The following NR1D2 variants were observed in gnomAD, a reference collection of about 807,000 sequenced individuals.
NR1D2 encodes the protein nuclear receptor subfamily 1 group D member 2, also known as V-erbA-related protein 1-related.
Under a neutral mutation model 52.2 loss-of-function variants are expected in NR1D2, and 25 were observed. The observed-to-expected ratio is 0.48, with a 90% CI of 0.35 to 0.67. The LOEUF (loss-of-function observed/expected upper bound fraction) is 0.67. Ranked by LOEUF, NR1D2 falls within the 30% of genes least tolerant of loss-of-function variation. The probability of loss-of-function intolerance (pLI) is 0.01; values close to 1 mark genes in which losing one functional copy is unlikely to be tolerated. For synonymous variants in NR1D2, 259 were observed against 230.1 expected (o/e 1.13, Z -1.14); for missense variants, 681 against 707.2 (o/e 0.96, Z 0.42).
intron 4 of NR1D2, among the ~76,000 whole-genome samples, chr3:23,961,410 T>TTTC (rs1454729664): frequency 3.4e-5 from 5 of 147,322 alleles, no homozygotes; most frequent in Non-Finnish European, 7.5e-5. Flanking sequence ...TTTTTTTTTT[T>TTTC]TTTAAGATGG....
chr3:23,946,054 G>C, intron 1 of NR1D2: 9 of 973,740 alleles, frequency 9.2e-6, no homozygotes, highest in Non-Finnish European at 1.1e-5. Context: ...CGCTGGCTGG[G>C]AGCGCCGCAG....
At chr3:23,969,282 C>T (rs577559496) in intron 7 of NR1D2, among the ~76,000 whole-genome samples, 44 of 151,674 alleles carry the variant, frequency 2.9e-4, no homozygotes, top group African/African-American at 9.7e-4. Flanking sequence ...AGCGAGACTC[C>T]GTGTTAAAAA....
intron 5 of NR1D2, chr3:23,963,299 C>T (rs752884034): frequency 7.4e-7 from 1 of 1,349,652 alleles, no homozygotes; most frequent in Admixed American, 1.9e-5. Context: ...CCATGAAGTC[C>T]TTTGATAGTG....
chr3:23,976,573 C>T (rs549646715), intron 7 of NR1D2, among the ~76,000 whole-genome samples: 2 of 152,350 alleles, frequency 1.3e-5, no homozygotes, highest in African/African-American at 4.8e-5. Flanking sequence ...TAGTTCCTTG[C>T]CATGTGGGCC....
At chr3:23,973,882 G>T (rs183593041) in intron 7 of NR1D2, among the ~76,000 whole-genome samples, 1 of 151,658 alleles carries the variant, frequency 6.6e-6, no homozygotes, top group Non-Finnish European at 1.5e-5. Context: ...AACTGTGACA[G>T]ACACATACAT....
chr3:23,946,088 T>C, intron 1 of NR1D2: 1 of 984,280 alleles, frequency 1.0e-6, no homozygotes, highest in Non-Finnish European at 1.2e-6. Flanking sequence ...TCCGCCCCTT[T>C]GGAAGCCTCG....
intron 4 of NR1D2, among the ~76,000 whole-genome samples, chr3:23,961,347 G>T (rs1234875511): frequency 7.0e-6 from 1 of 142,994 alleles, no homozygotes; most frequent in Non-Finnish European, 1.5e-5. Context: ...CTTCAAACTG[G>T]TTTTCATTAG....
In NR1D2 at chr3:23,962,356, T is replaced by C. The variant is rs376919731; in HGVS notation, c.897T>C (p.Asp299=). 41 of 1,614,022 alleles carry C rather than the reference T, an allele frequency of 2.5e-5. No individual in the cohort carries two copies. Among genetic ancestry groups the C allele is most frequent in the Admixed American group, 3.3e-5 (2 of 60,006 alleles). Residue 299 remains aspartate (D), a synonymous_variant, in exon 5 of 8, where the codon GAT becomes GAC. Coordinates refer to ENST00000312521, the MANE Select transcript of NR1D2 (RefSeq NM_005126.5). ...KNMEQYNLNH[D]HCGNGLSSHF... ...TGGAGCAATATAATTTAAATCATGA[T>C]CATTGCGGCAATGGGCTTAGCAGCC...
chr3:23,956,853 T>G (rs867562549), intron 3 of NR1D2, among the ~76,000 whole-genome samples: 7 of 152,200 alleles, frequency 4.6e-5, no homozygotes, highest in Non-Finnish European at 8.8e-5. Flanking sequence ...CACATGTTCT[T>G]GCTGTTCTCT....
At chr3:23,947,685 T>C (rs1705786409) in intron 1 of NR1D2, among the ~76,000 whole-genome samples, 2 of 152,254 alleles carry the variant, frequency 1.3e-5, no homozygotes, top group Admixed American at 1.3e-4. Flanking sequence ...ATTGCATGAC[T>C]TGAAGTGTAG....
At chr3:23,963,495 G>T in intron 5 of NR1D2, 2 of 762,108 alleles carry the variant, frequency 2.6e-6, no homozygotes, top group Non-Finnish European at 3.2e-6. Flanking sequence ...TGTTGCCCAG[G>T]CTGGAGTGCG....
chr3:23,950,902 C>CTTTTTCTTTTTTTTTTTTTTTTTTTTTTT (rs1351954635), intron 1 of NR1D2, among the ~76,000 whole-genome samples: 1 of 123,102 alleles, frequency 8.1e-6, no homozygotes, highest in African/African-American at 3.3e-5. Flanking sequence ...CTTTCTTTTT[C>CTTTTTCTTTTTTTTTTTTTTTTTTTTTTT]TTTTTTTTTT....
Position 23,962,217 on chromosome 3 carries a change from T to A in NR1D2, c.758T>A (p.Val253Glu). 1 of 1,614,138 alleles carries A rather than the reference T, an allele frequency of 6.2e-7. No individual in the cohort carries two copies. The highest frequency in any genetic ancestry group is 8.5e-7 in the Non-Finnish European group (1 of 1,180,026). The stretch of plus-strand genomic sequence containing the variant: ...TCTTCTGATTTTGCAAAGGAAGAAG[T>A]GATTGGCATGGTGACCAGAGCTCAC... ...PPSSDFAKEEVIGMVTRAHKD... is the reference protein window; with the variant it reads ...PPSSDFAKEEEIGMVTRAHKD... Residue 253 changes from valine to glutamate, a missense_variant, in exon 5 of 8, where the codon GTG (valine) becomes GAG (glutamate). Around this residue, in one of 3 missense-constraint regions of NR1D2, gnomAD observed 475 missense variants for 454.5 expected, o/e 1.05. Coordinates refer to ENST00000312521, the MANE Select transcript of NR1D2 (RefSeq NM_005126.5).
At chr3:23,946,131 C>A in intron 1 of NR1D2, 1 of 985,190 alleles carries the variant, frequency 1.0e-6, no homozygotes, top group Non-Finnish European at 1.2e-6. Flanking sequence ...CCCTCCTCCC[C>A]CGCGGGGTTG....
intron 3 of NR1D2, among the ~76,000 whole-genome samples, chr3:23,957,548 C>A (rs1195993945): frequency 6.7e-6 from 1 of 149,150 alleles, no homozygotes; most frequent in African/African-American, 2.5e-5. Flanking sequence ...AACCCTGTCT[C>A]TACTAAAAAT....
intron 7 of NR1D2, among the ~76,000 whole-genome samples, chr3:23,972,112 GTCT>G (rs1350485117): frequency 3.3e-5 from 5 of 152,026 alleles, no homozygotes; most frequent in Admixed American, 1.3e-4. Context: ...ATGTATAGTG[GTCT>G]TCTTTTGTTG....
intron 1 of NR1D2, among the ~76,000 whole-genome samples, chr3:23,952,631 G>A (rs1017155639): frequency 1.3e-5 from 2 of 151,676 alleles, no homozygotes; most frequent in Non-Finnish European, 2.9e-5. Flanking sequence ...GAGGCTGAAG[G>A]AGGAGAATCG....
intron 6 of NR1D2, among the ~76,000 whole-genome samples, chr3:23,967,541 G>A (rs1025335609): frequency 4.6e-5 from 7 of 151,556 alleles, no homozygotes; most frequent in Non-Finnish European, 7.4e-5. Flanking sequence ...GCTTGAACCC[G>A]GGAGGCGGAG....
In NR1D2 at chr3:23,962,510, A is replaced by G; in HGVS notation, c.1051A>G (p.Thr351Ala). The change falls in exon 5 of 8, where the codon ACT becomes GCT. Residue 351 changes from threonine to alanine, a missense_variant. Thr to Ala is a moderately conservative substitution (Grantham distance 58). Coordinates refer to ENST00000312521, the MANE Select transcript of NR1D2 (RefSeq NM_005126.5). Reference protein sequence around the residue: ...GHCMNFSNAYTQRVCDRVPID... With the variant: ...GHCMNFSNAYAQRVCDRVPID... ...TTGTATGAACTTCTCCAATGCTTAT[A>G]CTCAAAGAGTATGTGATAGAGTTCC... is the stretch of plus-strand genomic sequence containing the variant. The G allele has an allele frequency of 6.2e-7, 1 of 1,614,152 alleles. No homozygotes were observed. Among genetic ancestry groups the G allele is most frequent in the Non-Finnish European group, 8.5e-7 (1 of 1,180,004 alleles).
Sources: gnomAD v4.1 joint callset for allele counts (sites outside exome capture counted in the v4.1 genomes callset) on GRCh38, gnomAD v4.1.1 for gene constraint, gnomAD v4.1.1 regional missense constraint, MANE v1.5 for transcripts, NCBI Gene and HGNC (gene_info 2026-07-23, HGNC 2026-07-21) for gene names.